MTUS2: variants seen among roughly 807,000 people sequenced by gnomAD.
MTUS2 encodes the protein microtubule-associated tumor suppressor candidate 2.
In MTUS2, 40 loss-of-function variants were observed where a neutral mutation model predicts 114.1. The observed-to-expected ratio is 0.35, with a 90% confidence interval of 0.27 to 0.46. The LOEUF (loss-of-function observed/expected upper bound fraction) is 0.46, where lower values mean the gene tolerates loss of function less well. MTUS2 is among the 20% of genes least tolerant of loss of function. The pLI is 1.00. For synonymous variants in MTUS2, 688 were observed against 672.0 expected (o/e 1.02, Z -0.37); for missense variants, 1,679 against 1,705.4 (o/e 0.98, Z 0.27).
At chr13:28,860,365 T>A (rs1484845304) in intron 2 of MTUS2, among the ~76,000 whole-genome samples, 2 of 152,086 alleles carry the variant, frequency 1.3e-5, no homozygotes, top group Non-Finnish European at 2.9e-5. Context: ...GTATCTGAAG[T>A]GATGTGAGCA....
rs567472451 is a variant in MTUS2 at position 29,230,240 on chromosome 13, C to T, written c.2645-51464C>T. Among the ~76,000 whole-genome samples the T allele has an allele frequency of 1.2e-4, 19 of 152,006 alleles. No homozygotes were observed. The East Asian group carries it at 2.7e-3, about 22-fold the overall frequency. ...CAGCCTGGGAGACAGAGCAAGACTC[C>T]GTCTCAAAAAATAAAAATACAAAAA... On this transcript the variant is annotated intron_variant, in intron 5 of 15. Coordinates refer to ENST00000612955, the MANE Select transcript of MTUS2 (RefSeq NM_001033602.4).
intron 2 of MTUS2, among the ~76,000 whole-genome samples, chr13:28,842,523 A>C (rs973789216): frequency 2.6e-5 from 4 of 152,264 alleles, no homozygotes; most frequent in African/African-American, 9.6e-5. Flanking sequence ...ATGAATATTA[A>C]AATGTAACAG....
At chr13:29,379,506 G>A (rs1159751668) in intron 8 of MTUS2, among the ~76,000 whole-genome samples, 1 of 152,206 alleles carries the variant, frequency 6.6e-6, no homozygotes, top group Non-Finnish European at 1.5e-5. Context: ...GATTCCCACA[G>A]CCTGGCTGTG....
intron 8 of MTUS2, among the ~76,000 whole-genome samples, chr13:29,386,393 TG>T (rs1872634620): frequency 6.6e-6 from 1 of 152,158 alleles, no homozygotes; most frequent in Non-Finnish European, 1.5e-5. Context: ...TAATCTGACT[TG>T]ACAGGTTTCT....
At chr13:29,046,348 T>G (rs1459292684) in intron 4 of MTUS2, among the ~76,000 whole-genome samples, 2 of 152,156 alleles carry the variant, frequency 1.3e-5, no homozygotes. Context: ...ACTCCTGAGC[T>G]CAAGCTGTTG....
intron 5 of MTUS2, among the ~76,000 whole-genome samples, chr13:29,107,781 G>A (rs930984322): frequency 3.9e-5 from 6 of 152,104 alleles, no homozygotes; most frequent in South Asian, 2.1e-4. Context: ...TAGATGTCTC[G>A]TTTTGAGGAG....
At chr13:29,126,367 C>T (rs1434672173) in intron 5 of MTUS2, among the ~76,000 whole-genome samples, 5 of 152,132 alleles carry the variant, frequency 3.3e-5, no homozygotes, top group East Asian at 3.9e-4. Context: ...TTTCATTTCT[C>T]GCCTCATTTT....
intron 8 of MTUS2, among the ~76,000 whole-genome samples, chr13:29,393,277 C>T (rs1873648897): frequency 6.6e-6 from 1 of 152,228 alleles, no homozygotes; most frequent in Admixed American, 6.5e-5. Context: ...TGAGTCCAGA[C>T]ACCACATGCC....
intron 2 of MTUS2, among the ~76,000 whole-genome samples, chr13:28,952,171 A>G (rs920730753): frequency 3.3e-5 from 5 of 152,244 alleles, no homozygotes; most frequent in Admixed American, 2.6e-4. Flanking sequence ...TATTTGCTTT[A>G]CTAAGTGAAG....
intron 5 of MTUS2, among the ~76,000 whole-genome samples, chr13:29,198,533 G>T (rs9551617): frequency 0.025 from 3,821 of 152,240 alleles, 94 homozygotes; most frequent in East Asian, 0.066. Context: ...TTTTGCTTAG[G>T]ATTGTCTTGG....
At chr13:29,479,437 C>T (rs987840111) in intron 9 of MTUS2, among the ~76,000 whole-genome samples, 1 of 152,154 alleles carries the variant, frequency 6.6e-6, no homozygotes, top group African/African-American at 2.4e-5. Context: ...CAGGCAGGAG[C>T]GATGGTGGCC....
At chr13:29,124,756 G>A (rs894383644) in intron 5 of MTUS2, among the ~76,000 whole-genome samples, 3 of 152,122 alleles carry the variant, frequency 2.0e-5, no homozygotes, top group African/African-American at 7.2e-5. Context: ...AGCCTTAAAA[G>A]GAAAAGAAAT....
intron 5 of MTUS2, among the ~76,000 whole-genome samples, chr13:29,264,091 T>C (rs930951750): frequency 7.2e-5 from 11 of 152,236 alleles, no homozygotes; most frequent in Admixed American, 5.9e-4. Context: ...ATGGTAATTA[T>C]AGGCACTGAG....
At chr13:29,077,083 G>T (rs1404397428) in intron 4 of MTUS2, among the ~76,000 whole-genome samples, 5 of 152,144 alleles carry the variant, frequency 3.3e-5, no homozygotes, top group Admixed American at 2.6e-4. Context: ...TTATACACTT[G>T]CTAGTAATTA....
At chr13:29,285,768 C>T (rs1898454530) in intron 6 of MTUS2, among the ~76,000 whole-genome samples, 2 of 151,846 alleles carry the variant, frequency 1.3e-5, no homozygotes, top group African/African-American at 4.8e-5. Flanking sequence ...CTGTAGATTA[C>T]AAAAAAATGT....
chr13:29,235,557 A>G (rs1896504200), intron 5 of MTUS2, among the ~76,000 whole-genome samples: 1 of 152,196 alleles, frequency 6.6e-6, no homozygotes, highest in Non-Finnish European at 1.5e-5. Context: ...GGTTCAGTTG[A>G]AACTATTAAA....
At chr13:29,335,440 C>T (rs1194216815) in intron 7 of MTUS2, among the ~76,000 whole-genome samples, 20 of 152,162 alleles carry the variant, frequency 1.3e-4, no homozygotes, top group Non-Finnish European at 8.8e-5. Flanking sequence ...TGTGATCTTG[C>T]CCTGCCTCCA....
intron 8 of MTUS2, among the ~76,000 whole-genome samples, chr13:29,399,452 A>C (rs943748050): frequency 6.6e-6 from 1 of 152,214 alleles, no homozygotes; most frequent in Admixed American, 6.5e-5. Flanking sequence ...CCCTCGTTCA[A>C]ACAACTCTGA....
At chr13:29,346,520 T>A (rs2138149964) in intron 7 of MTUS2, among the ~76,000 whole-genome samples, 1 of 149,506 alleles carries the variant, frequency 6.7e-6, no homozygotes, top group East Asian at 2.0e-4. Flanking sequence ...CCAATGCCCA[T>A]ACAGCCAGCA....
Sources: allele counts gnomAD v4.1 joint callset (sites outside exome capture counted in the v4.1 genomes callset), GRCh38; gene constraint gnomAD v4.1.1; transcripts MANE v1.5; gene names NCBI Gene and HGNC (gene_info 2026-07-23, HGNC 2026-07-21).